Variants in MYO7A observed in about 807,000 individuals in gnomAD.
MYO7A encodes the protein myosin VIIA, also known as unconventional myosin-VIIa.
Under a neutral mutation model 263.8 loss-of-function variants are expected in MYO7A, and 210 were observed. The observed-to-expected ratio is 0.80, with a 90% CI of 0.71 to 0.89. The LOEUF (loss-of-function observed/expected upper bound fraction) is 0.89, where lower values mean the gene tolerates loss of function less well. Ranked by LOEUF, MYO7A falls within the 40% of genes least tolerant of loss-of-function variation. The probability of loss-of-function intolerance (pLI) is 0.00; values close to 1 mark genes in which losing one functional copy is unlikely to be tolerated. For synonymous variants in MYO7A, 1,239 were observed against 1,197.3 expected (o/e 1.03, Z -0.72); for missense variants, 2,820 against 2,968.3 (o/e 0.95, Z 1.16).
chr11:77,160,656 C>T (rs1045329854), intron 11 of MYO7A, among the ~76,000 whole-genome samples: 2 of 152,134 alleles, frequency 1.3e-5, no homozygotes, highest in Admixed American at 6.5e-5. Flanking sequence ...GGGCTGGGTT[C>T]GGGGACCTCA....
chr11:77,183,779 G>A (rs1555086459), intron 26 of MYO7A, among the ~76,000 whole-genome samples: 1 of 152,094 alleles, frequency 6.6e-6, no homozygotes, highest in African/African-American at 2.4e-5. Flanking sequence ...ACCTCCTCCA[G>A]GAAGCCTCCC....
chr11:77,153,466 G>T (rs782297907), intron 4 of MYO7A, among the ~76,000 whole-genome samples: 44 of 152,166 alleles, frequency 2.9e-4, no homozygotes, highest in Non-Finnish European at 4.3e-4. Flanking sequence ...GCAGAGTGGA[G>T]AAGGCCGTGG....
rs1953066558 is a variant in MYO7A at position 77,162,202 on chromosome 11, G to T, written c.1426G>T (p.Glu476Ter). Residue 476 changes from glutamate (E) to a stop codon, truncating the protein, a stop_gained, in exon 13 of 49, where the codon GAA becomes TAA. Coordinates refer to ENST00000409709, the MANE Select transcript of MYO7A (RefSeq NM_000260.4). LOFTEE classifies it high-confidence loss of function. ...GCACGTGTTCAAGCTGGAGCAGGAG[G>T]AATATGACCTGGAGAGCATTGACTG... ...VRHVFKLEQE[E>*]YDLESIDWLH... 2 of 1,593,688 alleles carry T rather than the reference G, an allele frequency of 1.3e-6. No homozygotes were observed. The highest frequency in any genetic ancestry group is 1.7e-6 in the Non-Finnish European group (2 of 1,169,686).
chr11:77,201,807 T>G, intron 36 of MYO7A, among the ~76,000 whole-genome samples, 169 bp downstream of exon 36: 1 of 108,118 alleles, frequency 9.2e-6, no homozygotes. Context: ...CTGTGCCAGG[T>G]GGGGAGGGGC....
At chr11:77,201,724 G>T in intron 36 of MYO7A, 86 bp downstream of exon 36, 4 of 1,375,048 alleles carry the variant, frequency 2.9e-6, no homozygotes, top group Non-Finnish European at 4.0e-6. Flanking sequence ...ATAGGTTAAC[G>T]GTCTAGTGCA....
rs186637227 is a variant in MYO7A, at chr11:77,128,332, C to G, written c.-204C>G. ...AGAGACGGCGAGGAAGGGAAAGACC[C>G]AGAGGGACGCCTAGAACGAGACTTG... On this transcript the variant is annotated 5_prime_UTR_variant, in exon 1 of 49. Coordinates refer to ENST00000409709, the MANE Select transcript of MYO7A (RefSeq NM_000260.4). 1 of 152,738 alleles carries G rather than the reference C, an allele frequency of 6.5e-6. No individual in the cohort carries two copies. Among genetic ancestry groups the G allele is most frequent in the African/African-American group, 2.4e-5 (1 of 41,598 alleles). The allele number at this position is 152,738 out of a possible 1,614,324, so 9.5% of individuals were successfully genotyped here.
chr11:77,206,087 G>A lies in MYO7A; in HGVS notation c.5637-10G>A. 6.2e-7 allele frequency: 1 copy of A among 1,605,010 alleles called. No homozygotes were observed. The highest frequency in any genetic ancestry group is 8.5e-7 in the Non-Finnish European group (1 of 1,175,676). Reference sequence around the variant, plus strand: ...GCACATGCCCCCTGCTGCCCCTGCTGCCTTTTCAGAAACGGGTCCCGGAAG... The same window carrying A: ...GCACATGCCCCCTGCTGCCCCTGCTACCTTTTCAGAAACGGGTCCCGGAAG... On this transcript the variant is annotated splice_polypyrimidine_tract_variant and intron_variant, in intron 40 of 48. Transcript: ENST00000409709.
At chr11:77,139,765 A>G (rs577053996) in intron 2 of MYO7A, among the ~76,000 whole-genome samples, 7 of 152,224 alleles carry the variant, frequency 4.6e-5, no homozygotes, top group African/African-American at 1.7e-4. Context: ...AGATGCTAAT[A>G]GTCCTGTCAG....
chr11:77,208,046 G>A, intron 42 of MYO7A, among the ~76,000 whole-genome samples: 1 of 152,178 alleles, frequency 6.6e-6, no homozygotes, highest in East Asian at 1.9e-4. Flanking sequence ...CTGTCTCTGT[G>A]CCAGACGCTG....
In MYO7A at chr11:77,201,626, G is replaced by T. The variant is rs558097664; in HGVS notation, c.5031G>T (p.Pro1677=). Residue 1677 remains proline (P), a synonymous_variant, in exon 36 of 49, where the codon CCG becomes CCT. Coordinates refer to ENST00000409709, the MANE Select transcript of MYO7A (RefSeq NM_000260.4). ...TCATGCCCACTGTCACCATGCCACCGCGGGAGATTGTGGTATGTGGCCTGG... is the reference window on the plus strand; with the variant it reads ...TCATGCCCACTGTCACCATGCCACCTCGGGAGATTGTGGTATGTGGCCTGG... The part of the protein sequence containing the change: ...VYVMPTVTMP[P]REIVALVTMT... The T allele has an allele frequency of 6.2e-7, 1 of 1,613,280 alleles. No homozygotes were observed. The highest frequency in any genetic ancestry group is 8.5e-7 in the Non-Finnish European group (1 of 1,179,514).
intron 21 of MYO7A, 108 bp downstream of exon 21, chr11:77,180,061 C>T: frequency 8.6e-7 from 1 of 1,159,024 alleles, no homozygotes; most frequent in Non-Finnish European, 1.2e-6. Flanking sequence ...GGGGGACCTG[C>T]AGTTATGCCT....
chr11:77,207,175 G>A (rs1329151702), intron 41 of MYO7A, 114 bp from the exon 42 acceptor site: 2 of 664,804 alleles, frequency 3.0e-6, no homozygotes, highest in East Asian at 5.5e-5. Context: ...GTGCCCACAG[G>A]AGGGTGTCTG....
chr11:77,168,486 A>G (rs1193297653), intron 15 of MYO7A, among the ~76,000 whole-genome samples: 1 of 152,198 alleles, frequency 6.6e-6, no homozygotes, highest in African/African-American at 2.4e-5. Flanking sequence ...TATTACTCCC[A>G]CTTTACAGGT....
At chr11:77,205,125 A>C (rs942972274) in intron 39 of MYO7A, among the ~76,000 whole-genome samples, 79 of 152,218 alleles carry the variant, frequency 5.2e-4, no homozygotes, top group African/African-American at 1.8e-3. Context: ...AAGTCTTGCT[A>C]TGGAAACAAA....
intron 30 of MYO7A, 21 bp downstream of exon 30, chr11:77,190,891 C>G (rs969908936): frequency 2.0e-6 from 3 of 1,528,340 alleles, no homozygotes; most frequent in Non-Finnish European, 2.7e-6. Context: ...CCGGAAGCAC[C>G]TCCTCCCGGA....
chr11:77,171,855 C>T (rs908628719), intron 15 of MYO7A, among the ~76,000 whole-genome samples: 3 of 152,228 alleles, frequency 2.0e-5, no homozygotes, highest in Admixed American at 2.0e-4. Flanking sequence ...GGGCTTCCCC[C>T]ACCTCATTTC....
chr11:77,213,808 T>C, intron 47 of MYO7A, 52 bp from the exon 48 acceptor site: 1 of 1,613,094 alleles, frequency 6.2e-7, no homozygotes, highest in African/African-American at 1.3e-5. Context: ...TGTGGGCAAG[T>C]GAGGCCACAG....
rs782723874 is a variant in MYO7A at position 77,162,805 on chromosome 11, G to T, written c.1555-48G>T. Reference sequence around the variant, plus strand: ...AAGACATGGGCAGGGAGGGGAGTGGGGCCCATGGAGGAGAGGGTGGGCTCA... The same window carrying T: ...AAGACATGGGCAGGGAGGGGAGTGGTGCCCATGGAGGAGAGGGTGGGCTCA... On this transcript the variant is annotated intron_variant, in intron 13 of 48. Coordinates refer to ENST00000409709, the MANE Select transcript of MYO7A (RefSeq NM_000260.4). The T allele has an allele frequency of 1.1e-5, 17 of 1,590,524 alleles. No individual in the cohort carries two copies. In the South Asian group the frequency reaches 1.9e-4, roughly 18 times the overall value.
Position 77,205,540 on chromosome 11 carries a change from C to A in MYO7A, c.5559C>A (p.His1853Gln), listed in dbSNP as rs373612656. Residue 1853 changes from histidine to glutamine, a missense_variant, in exon 40 of 49, where the codon CAC (histidine) becomes CAA (glutamine). By Grantham distance (24) the His-to-Gln change is conservative. Coordinates refer to ENST00000409709, the MANE Select transcript of MYO7A (RefSeq NM_000260.4). ...CACCCAGCAACATCCTCCTGCCCCA[C>A]GTGCAGCGCTTCCTGCAGTCCCGAA... ...LFPPSNILLP[H>Q]VQRFLQSRKH... 9 of 1,610,292 alleles carry A rather than the reference C, an allele frequency of 5.6e-6. No individual in the cohort carries two copies. The highest frequency in any genetic ancestry group is 2.7e-5 in the African/African-American group (2 of 74,960).
Sources: allele counts gnomAD v4.1 joint callset (sites outside exome capture counted in the v4.1 genomes callset), GRCh38; gene constraint gnomAD v4.1.1; transcripts MANE v1.5; gene names NCBI Gene and HGNC (gene_info 2026-07-23, HGNC 2026-07-21).